MYO1D: variants seen among roughly 807,000 people sequenced by gnomAD.
MYO1D encodes myosin ID, also known as unconventional myosin-Id.
Under a neutral mutation model 122.0 loss-of-function variants are expected in MYO1D, and 83 were observed. The observed-to-expected ratio is 0.68, with a 90% CI of 0.57 to 0.82. MYO1D has a LOEUF of 0.82. MYO1D is among the 40% of genes least tolerant of loss of function. The probability of loss-of-function intolerance (pLI) is 0.00; values close to 1 mark genes in which losing one functional copy is unlikely to be tolerated. For missense variants in MYO1D, 1,157 were observed against 1,269.5 expected (o/e 0.91, Z 1.35); for synonymous variants, 464 against 446.9 (o/e 1.04, Z -0.48).
intron 21 of MYO1D, among the ~76,000 whole-genome samples, chr17:32,591,465 G>T (rs2087438024): frequency 6.6e-6 from 1 of 152,280 alleles, no homozygotes; most frequent in Non-Finnish European, 1.5e-5. Flanking sequence ...TCTAGGACAA[G>T]TGGATGTGGT....
chr17:32,802,754 TACAG>T (rs1175980338), intron 1 of MYO1D, among the ~76,000 whole-genome samples: 1 of 152,214 alleles, frequency 6.6e-6, no homozygotes, highest in African/African-American at 2.4e-5. Context: ...TATATATACA[TACAG>T]ATAAATTTCA....
chr17:32,630,778 TTA>T (rs1374442555), intron 20 of MYO1D, among the ~76,000 whole-genome samples: 1 of 152,134 alleles, frequency 6.6e-6, no homozygotes, highest in African/African-American at 2.4e-5. Context: ...TTTCACCTTG[TTA>T]GCCAGGATGG....
rs186686148 is a variant in MYO1D at position 32,803,752 on chromosome 17, T to C, written c.96-22968A>G. Among the ~76,000 whole-genome samples, 464 of 152,284 alleles carry C rather than the reference T, an allele frequency of 3.0e-3. 3 individuals carry two copies. Among genetic ancestry groups the C allele is most frequent in the Middle Eastern group, 6.8e-3 (2 of 294 alleles). On this transcript the variant is annotated intron_variant, in intron 1 of 21. Coordinates refer to ENST00000318217, the MANE Select transcript of MYO1D (RefSeq NM_015194.3). ...TTCTCTTGCGAAGGAAGTGATGCAA[T>C]ATAAACTACACTCTTGCTGGCAAGG... is the stretch of plus-strand genomic sequence containing the variant.
intron 1 of MYO1D, among the ~76,000 whole-genome samples, chr17:32,786,846 T>C (rs1246978658): frequency 6.6e-6 from 1 of 151,434 alleles, no homozygotes; most frequent in Non-Finnish European, 1.5e-5. Context: ...TCAGTTGAAG[T>C]GAACCAGAAT....
At chr17:32,688,036 G>C (rs2089042736) in intron 16 of MYO1D, among the ~76,000 whole-genome samples, 1 of 152,092 alleles carries the variant, frequency 6.6e-6, no homozygotes, top group Non-Finnish European at 1.5e-5. Context: ...AATCCACCGG[G>C]AATTTCTGAG....
intron 1 of MYO1D, among the ~76,000 whole-genome samples, chr17:32,785,654 T>C (rs962310724): frequency 6.6e-6 from 1 of 152,206 alleles, no homozygotes; most frequent in Non-Finnish European, 1.5e-5. Context: ...TCATCTTACT[T>C]AATTTCTCAG....
rs561148560 is a variant in MYO1D, at chr17:32,724,237, C to G, written c.1747-3048G>C. Among the ~76,000 whole-genome samples, 22 of 152,260 alleles carry G rather than the reference C, an allele frequency of 1.4e-4. No individual in the cohort carries two copies. In the South Asian group the frequency reaches 3.7e-3, roughly 26 times the overall value. ...GAGCACAGTAAATGCCAAAATGCTA[C>G]CAGATTTATCTGCATGTTTGGCACC... On this transcript the variant is annotated intron_variant, in intron 14 of 21. Transcript: ENST00000318217.
At chr17:32,524,723 T>C (rs1308828322) in intron 21 of MYO1D, among the ~76,000 whole-genome samples, 3 of 152,080 alleles carry the variant, frequency 2.0e-5, no homozygotes, top group Admixed American at 6.6e-5. Flanking sequence ...CCACCATGCC[T>C]GGCTGATTTT....
At chr17:32,515,842 A>G (rs1909873415) in intron 21 of MYO1D, among the ~76,000 whole-genome samples, 1 of 152,200 alleles carries the variant, frequency 6.6e-6, no homozygotes, top group African/African-American at 2.4e-5. Context: ...AAAAGAAACA[A>G]ATTGCCCACT....
intron 10 of MYO1D, among the ~76,000 whole-genome samples, chr17:32,759,264 T>C (rs2089977164): frequency 6.6e-6 from 1 of 152,082 alleles, no homozygotes; most frequent in African/African-American, 2.4e-5. Flanking sequence ...AGCAACTGTT[T>C]TATGGTATTC....
At chr17:32,747,560 G>A (rs900877970) in intron 12 of MYO1D, among the ~76,000 whole-genome samples, 2 of 152,170 alleles carry the variant, frequency 1.3e-5, no homozygotes, top group African/African-American at 4.8e-5. Flanking sequence ...AGAGCGGCCA[G>A]GCTCGGTGGC....
chr17:32,629,080 G>A (rs1166471653), intron 20 of MYO1D, among the ~76,000 whole-genome samples: 2 of 152,144 alleles, frequency 1.3e-5, no homozygotes, highest in Non-Finnish European at 2.9e-5. Flanking sequence ...AAGACATGAC[G>A]GAACCTTAAA....
intron 21 of MYO1D, among the ~76,000 whole-genome samples, chr17:32,560,556 T>TATATATATATATATATATATATATATAC (rs1567890309): frequency 8.8e-6 from 1 of 114,128 alleles, no homozygotes; most frequent in Non-Finnish European, 1.9e-5. Flanking sequence ...TATATATATA[T>TATATATATATATATATATATATATATAC]ATATATATAT....
chr17:32,844,589 G>T (rs934980294), intron 1 of MYO1D, among the ~76,000 whole-genome samples: 1 of 151,754 alleles, frequency 6.6e-6, no homozygotes, highest in African/African-American at 2.4e-5. Context: ...TGGGCATGGT[G>T]GCACATGCCT....
At chr17:32,806,971 G>A (rs1400273329) in intron 1 of MYO1D, among the ~76,000 whole-genome samples, 1 of 152,194 alleles carries the variant, frequency 6.6e-6, no homozygotes, top group African/African-American at 2.4e-5. Context: ...AAATAAAAAT[G>A]TAGGTGAATT....
intron 2 of MYO1D, among the ~76,000 whole-genome samples, chr17:32,779,667 T>C (rs1021002412): frequency 9.9e-5 from 15 of 152,102 alleles, no homozygotes; most frequent in Non-Finnish European, 1.8e-4. Context: ...TATAATTGTT[T>C]TTATTCTCCC....
chr17:32,565,007 CTT>C (rs1173022925), intron 21 of MYO1D, among the ~76,000 whole-genome samples: 1 of 130,752 alleles, frequency 7.6e-6, no homozygotes, highest in Non-Finnish European at 1.6e-5. Flanking sequence ...AAAGAAAATA[CTT>C]TTTTTCTTTT....
At chr17:32,571,968 T>G (rs2087233745) in intron 21 of MYO1D, among the ~76,000 whole-genome samples, 1 of 152,172 alleles carries the variant, frequency 6.6e-6, no homozygotes, top group African/African-American at 2.4e-5. Flanking sequence ...CTTTCTGAAT[T>G]TATCAACTTC....
At chr17:32,727,417 C>G (rs1210252045) in intron 14 of MYO1D, among the ~76,000 whole-genome samples, 1 of 152,170 alleles carries the variant, frequency 6.6e-6, no homozygotes, top group Non-Finnish European at 1.5e-5. Flanking sequence ...CAGGCAAACC[C>G]AAAGTATATA....
Sources: gnomAD v4.1 joint callset for allele counts (sites outside exome capture counted in the v4.1 genomes callset) on GRCh38, gnomAD v4.1.1 for gene constraint, MANE v1.5 for transcripts, NCBI Gene and HGNC (gene_info 2026-07-23, HGNC 2026-07-21) for gene names.